Variants in GCN1 observed in about 807,000 individuals in gnomAD.
GCN1 encodes the protein stalled ribosome sensor GCN1.
In GCN1, 90 loss-of-function variants were observed where a neutral mutation model predicts 288.4. The observed-to-expected ratio is 0.31, with a 90% CI of 0.26 to 0.37. GCN1 has a LOEUF of 0.37. Among genes scored for constraint, GCN1 ranks in the 10% least tolerant of loss-of-function variants. The probability of loss-of-function intolerance (pLI) is 1.00; values close to 1 mark genes in which losing one functional copy is unlikely to be tolerated. For synonymous variants in GCN1, 1,386 were observed against 1,420.2 expected (o/e 0.98, Z 0.54); for missense variants, 2,586 against 3,419.9 (o/e 0.76, Z 6.08).
Position 120,184,248 on chromosome 12 carries a change from G to T in GCN1, c.186-5C>A, listed in dbSNP as rs180727077. On this transcript the variant is annotated splice_polypyrimidine_tract_variant and splice_region_variant and intron_variant, in intron 3 of 57. Coordinates refer to ENST00000300648, the MANE Select transcript of GCN1 (RefSeq NM_006836.2). ...GCCCTGCGGGAGGCTGCATCTCTAG[G>T]GGGAGAGGCAAAGGAAAGGGTGAAC... 94 of 1,610,932 alleles carry T rather than the reference G, an allele frequency of 5.8e-5. No homozygotes were observed. The Middle Eastern group carries it at 6.6e-4, about 11-fold the overall frequency.
chr12:120,132,339 C>CT (rs1282371927), intron 53 of GCN1, among the ~76,000 whole-genome samples: 2 of 151,654 alleles, frequency 1.3e-5, no homozygotes, highest in African/African-American at 4.8e-5. Flanking sequence ...CTTAGGAAGG[C>CT]TGAATGTTTC....
chr12:120,159,959 C>T lies in GCN1; in HGVS notation c.2615G>A (p.Gly872Asp). The change falls in exon 24 of 58, where the codon GGC becomes GAC. Residue 872 changes from glycine to aspartate, a missense_variant. Gly to Asp is a moderately conservative substitution (Grantham distance 94). This residue lies in a region of GCN1 where 913 missense variants were observed against 1,107.0 expected (regional missense o/e 0.82). Transcript: ENST00000300648. ...CAAAACAGGGATGTACTGGGTCAGG[C>T]CGGACGGGTTCTTGGCCAGGATGAT... The part of the protein sequence containing the change: ...LDIILAKNPS[G>D]LTQYIPVLVD... The T allele has an allele frequency of 1.2e-6, 2 of 1,614,172 alleles. No homozygotes were observed. The highest frequency in any genetic ancestry group is 8.5e-7 in the Non-Finnish European group (1 of 1,180,000).
At position 120,168,197 on chromosome 12, in the gene GCN1, G is replaced by A. The variant is rs745933635; in HGVS notation, c.1612+11C>T. Reference sequence around the variant, plus strand: ...TCAATCCCGAGTTCAACTAAGCATGGAGTAACTTACCATCCTCTGAAGCCA... The same window carrying A: ...TCAATCCCGAGTTCAACTAAGCATGAAGTAACTTACCATCCTCTGAAGCCA... On this transcript the variant is annotated intron_variant, in intron 16 of 57. Transcript: ENST00000300648. 1 of 1,436,780 alleles carries A rather than the reference G, an allele frequency of 7.0e-7. No homozygotes were observed. Among genetic ancestry groups the A allele is most frequent in the Admixed American group, 1.7e-5 (1 of 59,826 alleles). 89.0% of individuals were successfully genotyped at this position (1,436,780 alleles called of 1,614,324 possible).
intron 16 of GCN1, among the ~76,000 whole-genome samples, chr12:120,164,939 T>A (rs1011891278): frequency 1.3e-5 from 2 of 149,154 alleles, no homozygotes; most frequent in African/African-American, 4.9e-5. Flanking sequence ...TTATTTTATA[T>A]ATAATATACA....
At chr12:120,164,892 T>C (rs1378824096) in intron 16 of GCN1, among the ~76,000 whole-genome samples, 171 bp from the exon 17 acceptor site, 1 of 149,910 alleles carries the variant, frequency 6.7e-6, no homozygotes, top group Non-Finnish European at 1.5e-5. Flanking sequence ...TATGCACACA[T>C]GTATTTTGGA....
Position 120,149,600 on chromosome 12 carries a change from T to C in GCN1, c.4546+6A>G. On this transcript the variant is annotated splice_donor_region_variant and intron_variant, in intron 36 of 57. Transcript: ENST00000300648. The stretch of plus-strand genomic sequence containing the variant: ...CTGGGAAGAGAGGCAGAGCGAGTGG[T>C]CTTACCAGCTTTGGTCCGCCACGAT... The C allele has an allele frequency of 6.3e-7, 1 of 1,596,762 alleles. No homozygotes were observed. Among genetic ancestry groups the C allele is most frequent in the South Asian group, 1.1e-5 (1 of 90,712 alleles).
At chr12:120,171,653 G>GT (rs1400540419) in intron 14 of GCN1, among the ~76,000 whole-genome samples, 7 of 152,006 alleles carry the variant, frequency 4.6e-5, no homozygotes, top group Admixed American at 4.6e-4. Context: ...TTTTCGTTTT[G>GT]TTTTTAAAAG....
Position 120,176,199 on chromosome 12 carries a change from G to C in GCN1, c.857C>G (p.Ala286Gly). 6.2e-7 allele frequency: 1 copy of C among 1,609,588 alleles called. No homozygotes were observed. The highest frequency in any genetic ancestry group is 8.5e-7 in the Non-Finnish European group (1 of 1,175,858). The change falls in exon 10 of 58, where the codon GCA becomes GGA. Residue 286 changes from alanine to glycine, a missense_variant. This residue lies in a region of GCN1 where 913 missense variants were observed against 1,107.0 expected (regional missense o/e 0.82). Transcript: ENST00000300648. ...CTGGCTGAGGTCAAGCGTCACTGAT[G>C]CCAGCAGACTAGAAATAGCTAAGGG... ...NVIETISSLL[A>G]SVTLDLSQYA...
At position 120,151,287 on chromosome 12, in the gene GCN1, G is replaced by T; in HGVS notation, c.4167C>A (p.Asp1389Glu). ...QRLMQQLLES[D>E]KYAERKGAAY... The stretch of plus-strand genomic sequence containing the variant: ...CGGCCCCTTTGCGCTCTGCGTACTT[G>T]TCTGACTCCAGCAGCTGCTGCATAA... The change falls in exon 34 of 58, where the codon GAC (aspartate) becomes GAA (glutamate). Residue 1389 changes from aspartate to glutamate, a missense_variant. Asp to Glu is a conservative substitution (Grantham distance 45). Coordinates refer to ENST00000300648, the MANE Select transcript of GCN1 (RefSeq NM_006836.2). 6.2e-7 allele frequency: 1 copy of T among 1,614,182 alleles called. No homozygotes were observed. Among genetic ancestry groups the T allele is most frequent in the Non-Finnish European group, 8.5e-7 (1 of 1,180,038 alleles).
rs141001347 is a variant in GCN1, at chr12:120,130,099, T to C, written c.7671+547A>G. 9.2e-3 allele frequency among the ~76,000 whole-genome samples: 1,404 copies of C among 152,320 alleles called. 20 individuals carry two copies. The highest frequency in any genetic ancestry group is 0.032 in the African/African-American group (1,324 of 41,562). On this transcript the variant is annotated intron_variant, in intron 56 of 57. Coordinates refer to ENST00000300648, the MANE Select transcript of GCN1 (RefSeq NM_006836.2). ...TCCATGCACAGCACCACTGACACTG[T>C]TGCTGAGAGCTGGTTAGAGTACCAG...
At position 120,179,095 on chromosome 12, in the gene GCN1, T is replaced by A. The variant is rs1878569482; in HGVS notation, c.427-145A>T. 3 of 650,034 alleles carry A rather than the reference T, an allele frequency of 4.6e-6. No homozygotes were observed. In the Admixed American group the frequency reaches 7.3e-5, roughly 16 times the overall value. 40.3% of individuals were successfully genotyped at this position (650,034 alleles called of 1,614,324 possible). On this transcript the variant is annotated intron_variant, in intron 5 of 57. Transcript: ENST00000300648. ...CCTCTCCCACTCAACTCCAGCCAGC[T>A]CCTCTTCCCTCCACCCCACACATTT...
Position 120,151,169 on chromosome 12 carries a change from T to C in GCN1, c.4285A>G (p.Lys1429Glu). The C allele has an allele frequency of 6.2e-7, 1 of 1,613,842 alleles. No homozygotes were observed. Among genetic ancestry groups the C allele is most frequent in the Non-Finnish European group, 8.5e-7 (1 of 1,179,980 alleles). Residue 1429 changes from lysine to glutamate, a missense_variant, in exon 34 of 58, where the codon AAG (lysine) becomes GAG (glutamate). Physicochemically the swap from Lys to Glu is moderately conservative, Grantham distance 56 (BLOSUM62 1). Coordinates refer to ENST00000300648, the MANE Select transcript of GCN1 (RefSeq NM_006836.2). The stretch of plus-strand genomic sequence containing the variant: ...CCCTCTCGCCGGCGGAAGTTCTTCT[T>C]ATCTTGGATGGCATCAGTCAGTGCC... ...MAALTDAIQD[K>E]KNFRRREGAL...
chr12:120,161,007 A>C (rs1877907740), intron 22 of GCN1, among the ~76,000 whole-genome samples: 1 of 152,244 alleles, frequency 6.6e-6, no homozygotes, highest in South Asian at 2.1e-4. Flanking sequence ...GACAAGAAGA[A>C]TCCTGCCTTG....
intron 54 of GCN1, 96 bp downstream of exon 54, chr12:120,131,829 TA>T: frequency 1.3e-6 from 1 of 783,486 alleles, no homozygotes; most frequent in Non-Finnish European, 2.2e-6. Context: ...GTCCAGTTGC[TA>T]AAAGATCCTC....
chr12:120,168,136 G>T, intron 16 of GCN1, 72 bp downstream of exon 16: 1 of 936,006 alleles, frequency 1.1e-6, no homozygotes, highest in Non-Finnish European at 1.8e-6. Context: ...GGTCAAGAAA[G>T]GGTCCTCTCT....
intron 14 of GCN1, among the ~76,000 whole-genome samples, chr12:120,172,661 C>T (rs1183708133): frequency 6.6e-6 from 1 of 152,112 alleles, no homozygotes; most frequent in Non-Finnish European, 1.5e-5. Context: ...AAGCACCTGT[C>T]ATCATGCCTG....
intron 34 of GCN1, among the ~76,000 whole-genome samples, 178 bp from the exon 35 acceptor site, chr12:120,150,221 GC>G (rs1324807400): frequency 1.3e-5 from 2 of 152,096 alleles, no homozygotes; most frequent in Non-Finnish European, 2.9e-5. Flanking sequence ...AGCTCAAGAA[GC>G]CCCAGCAAAG....
Position 120,162,214 on chromosome 12 carries a change from C to T in GCN1, c.2164-156G>A, listed in dbSNP as rs1444020109. ...CATCACAGTGGCCGGCTGGAGTCTG[C>T]GTCTGCTTTCCTCACCAAGCAGTGC... On this transcript the variant is annotated intron_variant, in intron 20 of 57. Transcript: ENST00000300648. 3.8e-5 allele frequency: 24 copies of T among 628,802 alleles called. No homozygotes were observed. In the South Asian group the frequency reaches 3.9e-4, roughly 10 times the overall value. The allele number at this position is 628,802 out of a possible 1,614,324, so 39.0% of individuals were successfully genotyped here.
chr12:120,180,358 T>C (rs909242754), intron 5 of GCN1, among the ~76,000 whole-genome samples: 5 of 152,164 alleles, frequency 3.3e-5, no homozygotes, highest in Middle Eastern at 3.4e-3. Context: ...GGTTCACGCC[T>C]GTAATCCCAA....
Sources: allele counts gnomAD v4.1 joint callset (sites outside exome capture counted in the v4.1 genomes callset), GRCh38; gene constraint gnomAD v4.1.1; regional missense constraint gnomAD v4.1.1; transcripts MANE v1.5; gene names NCBI Gene and HGNC (gene_info 2026-07-23, HGNC 2026-07-21).